Variants in PTPRG observed in about 807,000 individuals in gnomAD.
The protein encoded by PTPRG is protein tyrosine phosphatase receptor type G.
Under a neutral mutation model 165.3 loss-of-function variants are expected in PTPRG, and 102 were observed. The observed-to-expected ratio is 0.62, with a 90% CI of 0.53 to 0.73. The LOEUF is 0.73. Among genes scored for constraint, PTPRG ranks in the 30% least tolerant of loss-of-function variants. PTPRG has a pLI of 0.00. For synonymous variants in PTPRG, 675 were observed against 669.5 expected (o/e 1.01, Z -0.13); for missense variants, 1,866 against 1,861.4 (o/e 1.00, Z -0.05).
chr3:61,793,076 A>T (rs369589021), intron 2 of PTPRG, among the ~76,000 whole-genome samples: 1 of 152,188 alleles, frequency 6.6e-6, no homozygotes, highest in Admixed American at 6.5e-5. Context: ...AAACAAGTGG[A>T]GGAAAGGTCT....
chr3:61,664,847 T>G (rs536876800), intron 1 of PTPRG, among the ~76,000 whole-genome samples: 1 of 150,758 alleles, frequency 6.6e-6, no homozygotes, highest in Admixed American at 6.6e-5. Context: ...AATAAATAAA[T>G]AAAAATAAAA....
chr3:62,021,634 G>A (rs1281435211), intron 4 of PTPRG, among the ~76,000 whole-genome samples: 2 of 152,056 alleles, frequency 1.3e-5, no homozygotes, highest in Non-Finnish European at 2.9e-5. Context: ...GTTACAGTGC[G>A]CTTGTCTACC....
chr3:61,607,223 G>A (rs1701036179), intron 1 of PTPRG, among the ~76,000 whole-genome samples: 1 of 152,174 alleles, frequency 6.6e-6, no homozygotes, highest in African/African-American at 2.4e-5. Flanking sequence ...TGACACTGTA[G>A]TGGTATGGAC....
chr3:61,872,840 C>T (rs1312944100), intron 2 of PTPRG, among the ~76,000 whole-genome samples: 2 of 152,030 alleles, frequency 1.3e-5, no homozygotes, highest in Non-Finnish European at 2.9e-5. Context: ...CCAGAAGAAT[C>T]CAGAAGTCAT....
chr3:62,031,821 G>T (rs1372868329), intron 4 of PTPRG, among the ~76,000 whole-genome samples: 3 of 152,136 alleles, frequency 2.0e-5, no homozygotes, highest in African/African-American at 7.2e-5. Context: ...AGGGGTTTTG[G>T]TTTGTGCAAC....
chr3:61,905,629 C>G (rs889621496), intron 2 of PTPRG, among the ~76,000 whole-genome samples: 12 of 152,118 alleles, frequency 7.9e-5, no homozygotes, highest in Non-Finnish European at 1.3e-4. Flanking sequence ...GTGTTTTGGT[C>G]TGTATTTCAG....
intron 1 of PTPRG, among the ~76,000 whole-genome samples, chr3:61,608,736 A>G (rs1701083049): frequency 6.6e-6 from 1 of 152,208 alleles, no homozygotes; most frequent in Non-Finnish European, 1.5e-5. Context: ...GCAGACTAGG[A>G]GAGGGACCTC....
intron 26 of PTPRG, among the ~76,000 whole-genome samples, chr3:62,279,264 C>A (rs1227469454): frequency 6.6e-6 from 1 of 152,024 alleles, no homozygotes; most frequent in South Asian, 2.1e-4. Context: ...TATCTTTGAC[C>A]TATAAATATA....
At chr3:62,031,305 A>G (rs1204184621) in intron 4 of PTPRG, among the ~76,000 whole-genome samples, 4 of 152,220 alleles carry the variant, frequency 2.6e-5, no homozygotes, top group Admixed American at 2.6e-4. Flanking sequence ...GAAGAGTGGT[A>G]TATTCTCTGA....
intron 2 of PTPRG, among the ~76,000 whole-genome samples, chr3:61,768,373 C>T (rs2034101471): frequency 6.6e-6 from 1 of 152,196 alleles, no homozygotes; most frequent in South Asian, 2.1e-4. Flanking sequence ...CCTGGTTTCT[C>T]TGTGTTAGCC....
At position 62,219,596 on chromosome 3, in the gene PTPRG, C is replaced by CCAGCT. The variant is rs552237729; in HGVS notation, c.2288+619_2288+623dup. Among the ~76,000 whole-genome samples, 26 of 152,338 alleles carry CCAGCT rather than the reference C, an allele frequency of 1.7e-4. No individual in the cohort carries two copies. The highest frequency in any genetic ancestry group is 6.0e-4 in the African/African-American group (25 of 41,568). The stretch of plus-strand genomic sequence containing the variant: ...TGTTTTTTCAGCCGGACCGTCTCAG[C>CCAGCT]CAGCTCAGCTGAGCAACTCCGTCAA... On this transcript the variant is annotated intron_variant, in intron 13 of 29. Transcript: ENST00000474889. The surrounding 1 kb of genome is among the most constrained non-coding windows in gnomAD (Gnocchi z 4.5).
chr3:62,250,992 C>T (rs1031289967), intron 15 of PTPRG, among the ~76,000 whole-genome samples: 1 of 152,206 alleles, frequency 6.6e-6, no homozygotes, highest in African/African-American at 2.4e-5. Context: ...TCTTCAGGTA[C>T]TGATTCTCTA....
At position 61,745,876 on chromosome 3, in the gene PTPRG, TG is replaced by T. The variant is rs2033178274; in HGVS notation, c.86-2999del. On this transcript the variant is annotated intron_variant, in intron 1 of 29. Transcript: ENST00000474889. ...TCAAGTGATGGTTTAAAGCATACGATGGGTGTCATTTGAGGATCTTCTTTGG... is the reference window on the plus strand; with the variant it reads ...TCAAGTGATGGTTTAAAGCATACGATGGTGTCATTTGAGGATCTTCTTTGG... Among the ~76,000 whole-genome samples the T allele has an allele frequency of 2.0e-5, 3 of 152,274 alleles. No individual in the cohort carries two copies. In the South Asian group the frequency reaches 6.2e-4, roughly 32 times the overall value.
At chr3:61,687,762 T>C (rs1270013343) in intron 1 of PTPRG, among the ~76,000 whole-genome samples, 1 of 152,196 alleles carries the variant, frequency 6.6e-6, no homozygotes. Flanking sequence ...GTGGGGGTGG[T>C]GTGTAAAATG....
intron 1 of PTPRG, among the ~76,000 whole-genome samples, chr3:61,589,690 T>C (rs2106818441): frequency 6.6e-6 from 1 of 152,248 alleles, no homozygotes; most frequent in South Asian, 2.1e-4. Flanking sequence ...AGGATGGCCT[T>C]GTCCGTTGCT....
At chr3:61,711,761 A>G (rs1400078584) in intron 1 of PTPRG, among the ~76,000 whole-genome samples, 1 of 152,206 alleles carries the variant, frequency 6.6e-6, no homozygotes, top group African/African-American at 2.4e-5. Flanking sequence ...TTACTTGCGT[A>G]TCATTCAGCT....
At chr3:61,815,641 C>A (rs990049633) in intron 2 of PTPRG, among the ~76,000 whole-genome samples, 1 of 152,056 alleles carries the variant, frequency 6.6e-6, no homozygotes, top group South Asian at 2.1e-4. Flanking sequence ...GTAGTTTATC[C>A]GTTTTTTATT....
At chr3:62,145,236 A>AAC (rs999092374) in intron 6 of PTPRG, among the ~76,000 whole-genome samples, 2 of 152,130 alleles carry the variant, frequency 1.3e-5, no homozygotes, top group Non-Finnish European at 2.9e-5. Context: ...CAGTTTTCTC[A>AAC]ACTGCATCGT....
chr3:61,704,746 A>T (rs2031161306), intron 1 of PTPRG, among the ~76,000 whole-genome samples: 1 of 152,210 alleles, frequency 6.6e-6, no homozygotes, highest in African/African-American at 2.4e-5. Context: ...GAAAGCTAAC[A>T]AAGCCCTGGT....
Sources: gnomAD v4.1 joint callset for allele counts (sites outside exome capture counted in the v4.1 genomes callset) on GRCh38, gnomAD v4.1.1 for gene constraint, Gnocchi (gnomAD v3.1) non-coding constraint, MANE v1.5 for transcripts, NCBI Gene and HGNC (gene_info 2026-07-23, HGNC 2026-07-21) for gene names.